STK32B: variants seen among roughly 807,000 people sequenced by gnomAD.
STK32B encodes the protein serine/threonine kinase 32B, also known as serine/threonine-protein kinase 32B.
STK32B carries 43 observed loss-of-function variants against 52.6 expected under a neutral mutation model. The ratio of observed to expected loss-of-function variants is 0.82; its 90% CI spans 0.64 to 1.05. The LOEUF is 1.05. STK32B is among the 50% of genes least tolerant of loss of function. STK32B has a pLI of 0.00. For synonymous variants in STK32B, 238 were observed against 204.3 expected (o/e 1.17, Z -1.41); for missense variants, 621 against 534.6 (o/e 1.16, Z -1.59).
At chr4:5,102,789 C>A (rs552466995) in intron 1 of STK32B, among the ~76,000 whole-genome samples, 38 of 150,690 alleles carry the variant, frequency 2.5e-4, no homozygotes, top group African/African-American at 9.0e-4. Flanking sequence ...ATGATCTGCC[C>A]ACCTCAGCCT....
chr4:5,431,827 C>T (rs1713611443), intron 6 of STK32B, among the ~76,000 whole-genome samples: 1 of 152,130 alleles, frequency 6.6e-6, no homozygotes, highest in Admixed American at 6.5e-5. Context: ...CGTGTGACAC[C>T]TGAGTTCATT....
At chr4:5,269,143 A>G (rs1025182062) in intron 3 of STK32B, among the ~76,000 whole-genome samples, 1 of 152,166 alleles carries the variant, frequency 6.6e-6, no homozygotes, top group African/African-American at 2.4e-5. Context: ...CTCGAGAGAT[A>G]TGAAGAGGGC....
chr4:5,132,012 A>C (rs547202329), intron 1 of STK32B, among the ~76,000 whole-genome samples: 1 of 152,194 alleles, frequency 6.6e-6, no homozygotes, highest in Non-Finnish European at 1.5e-5. Flanking sequence ...CAGAGTCCTC[A>C]TAAGAGGGAG....
At chr4:5,415,812 A>G (rs1005114595) in intron 5 of STK32B, among the ~76,000 whole-genome samples, 1 of 152,134 alleles carries the variant, frequency 6.6e-6, no homozygotes, top group African/African-American at 2.4e-5. Context: ...AGCCGATCAC[A>G]TCAGGCATGC....
At chr4:5,268,152 T>C (rs1479335220) in intron 3 of STK32B, among the ~76,000 whole-genome samples, 4 of 152,292 alleles carry the variant, frequency 2.6e-5, no homozygotes, top group African/African-American at 9.6e-5. Flanking sequence ...GAGAGAGGAA[T>C]GTAAAGAAAG....
chr4:5,252,663 A>G (rs561625425), intron 3 of STK32B, among the ~76,000 whole-genome samples: 3 of 152,284 alleles, frequency 2.0e-5, no homozygotes, highest in African/African-American at 7.2e-5. Flanking sequence ...GGAGAATGAA[A>G]AAGGTAAGGA....
At chr4:5,417,165 A>C (rs1345796130) in intron 6 of STK32B, among the ~76,000 whole-genome samples, 1 of 152,206 alleles carries the variant, frequency 6.6e-6, no homozygotes, top group African/African-American at 2.4e-5. Flanking sequence ...ACTCCTGCTC[A>C]GCCAGAGAGC....
intron 4 of STK32B, among the ~76,000 whole-genome samples, chr4:5,361,565 A>G (rs573210858): frequency 2.0e-5 from 3 of 152,202 alleles, no homozygotes; most frequent in East Asian, 1.9e-4. Context: ...GGGTCTCACT[A>G]TGTTGCCCAG....
At chr4:5,451,586 G>A (rs16837259) in intron 7 of STK32B, among the ~76,000 whole-genome samples, 2,692 of 152,212 alleles carry the variant, frequency 0.018, 43 homozygotes, top group South Asian at 0.082. Context: ...ATAAAATGGG[G>A]AGAACAGTAG....
chr4:5,279,869 T>C (rs1331945666), intron 3 of STK32B, among the ~76,000 whole-genome samples: 1 of 152,180 alleles, frequency 6.6e-6, no homozygotes, highest in Non-Finnish European at 1.5e-5. Flanking sequence ...CAGCTGGAAC[T>C]GGAGTGCCCA....
intron 11 of STK32B, among the ~76,000 whole-genome samples, chr4:5,473,443 A>G (rs1717998563): frequency 6.6e-6 from 1 of 152,142 alleles, no homozygotes; most frequent in South Asian, 2.1e-4. Context: ...TAGTCTGTAC[A>G]TCCGTCCTCT....
chr4:5,153,467 CT>C (rs199700770), intron 2 of STK32B, among the ~76,000 whole-genome samples: 240 of 141,922 alleles, frequency 1.7e-3, no homozygotes, highest in Middle Eastern at 3.5e-3. Flanking sequence ...TTTTTCTTTC[CT>C]TTTTTTTTTT....
At chr4:5,224,409 A>C (rs1021319477) in intron 3 of STK32B, among the ~76,000 whole-genome samples, 1 of 152,214 alleles carries the variant, frequency 6.6e-6, no homozygotes, top group Non-Finnish European at 1.5e-5. Context: ...GATGCATAAA[A>C]AGCTGGAATT....
chr4:5,208,514 C>A lies in STK32B; in HGVS notation c.260+40064C>A, dbSNP rs1722716163. 3.3e-5 allele frequency among the ~76,000 whole-genome samples: 5 copies of A among 152,264 alleles called. No homozygotes were observed. The Middle Eastern group carries it at 0.014, about 414-fold the overall frequency. ...TTAGTCATGAGAAGTTTTCTAACTT[C>A]AATTTCAGGGCAGAAAACTTAGTCC... is the stretch of plus-strand genomic sequence containing the variant. On this transcript the variant is annotated intron_variant, in intron 3 of 11. Transcript: ENST00000282908.
At chr4:5,165,972 C>A (rs887794410) in intron 2 of STK32B, among the ~76,000 whole-genome samples, 4 of 152,186 alleles carry the variant, frequency 2.6e-5, no homozygotes, top group African/African-American at 9.6e-5. Context: ...CCCAGTGGTG[C>A]CGGGTGGGTT....
chr4:5,086,330 C>G (rs1341858336), intron 1 of STK32B, among the ~76,000 whole-genome samples: 1 of 152,094 alleles, frequency 6.6e-6, no homozygotes, highest in Non-Finnish European at 1.5e-5. Flanking sequence ...CTAACAAACA[C>G]AAAGCTCTTC....
At chr4:5,239,706 T>C (rs1724877432) in intron 3 of STK32B, among the ~76,000 whole-genome samples, 2 of 152,010 alleles carry the variant, frequency 1.3e-5, no homozygotes, top group Non-Finnish European at 2.9e-5. Flanking sequence ...GTTTACAAGA[T>C]GGTGTTGGCT....
intron 3 of STK32B, among the ~76,000 whole-genome samples, chr4:5,311,492 A>G (rs1389059331): frequency 3.3e-5 from 5 of 152,198 alleles, no homozygotes; most frequent in African/African-American, 1.2e-4. Context: ...CAATGAAAGA[A>G]TAAGCTGATT....
At chr4:5,493,984 G>A in intron 11 of STK32B, among the ~76,000 whole-genome samples, 1 of 152,254 alleles carries the variant, frequency 6.6e-6, no homozygotes, top group Non-Finnish European at 1.5e-5. Flanking sequence ...TTGCTGAGGA[G>A]AGCTTTACTT....
Sources: allele counts gnomAD v4.1 joint callset (sites outside exome capture counted in the v4.1 genomes callset), GRCh38; gene constraint gnomAD v4.1.1; transcripts MANE v1.5; gene names NCBI Gene and HGNC (gene_info 2026-07-23, HGNC 2026-07-21).